Variants in MGAT4C observed in about 807,000 individuals in gnomAD.
The protein encoded by MGAT4C is MGAT4 family member C.
MGAT4C carries 19 observed loss-of-function variants against 40.1 expected under a neutral mutation model. The ratio of observed to expected loss-of-function variants is 0.47; its 90% CI spans 0.33 to 0.70. MGAT4C has a LOEUF of 0.70. Among genes scored for constraint, MGAT4C ranks in the 30% least tolerant of loss-of-function variants. The pLI is 0.02. For synonymous variants in MGAT4C, 181 were observed against 187.1 expected (o/e 0.97, Z 0.27); for missense variants, 491 against 563.2 (o/e 0.87, Z 1.30).
At chr12:86,055,273 T>C (rs1893274465) in intron 1 of MGAT4C, among the ~76,000 whole-genome samples, 1 of 152,206 alleles carries the variant, frequency 6.6e-6, no homozygotes, top group South Asian at 2.1e-4. Flanking sequence ...AATTGAGTGA[T>C]ACTAAAATGC....
rs528618699 is a variant in MGAT4C at position 86,371,276 on chromosome 12, A to G, written c.-119-37149T>C. ...GCTTTAACTCAGTCATTTCTCTCAA[A>G]TTCTGCTCTTCATTTCCTTCCCACT... is the stretch of plus-strand genomic sequence containing the variant. On this transcript the variant is annotated intron_variant, in intron 3 of 7. Transcript: ENST00000548651. Among the ~76,000 whole-genome samples the G allele has an allele frequency of 3.3e-5, 5 of 152,070 alleles. 1 individual carries two copies. The highest frequency in any genetic ancestry group is 1.2e-4 in the African/African-American group (5 of 41,550).
intron 4 of MGAT4C, among the ~76,000 whole-genome samples, chr12:86,303,974 G>C (rs986318343): frequency 2.7e-5 from 4 of 150,112 alleles, no homozygotes; most frequent in Non-Finnish European, 5.9e-5. Flanking sequence ...TACTGGAATA[G>C]AAAGTAGGCA....
intron 2 of MGAT4C, among the ~76,000 whole-genome samples, chr12:86,659,507 G>A (rs1963929734): frequency 6.6e-6 from 1 of 152,078 alleles, no homozygotes; most frequent in Admixed American, 6.6e-5. Flanking sequence ...GAAACTATAA[G>A]TAATTCGAAC....
intron 1 of MGAT4C, among the ~76,000 whole-genome samples, chr12:86,160,063 T>C (rs1158854955): frequency 6.6e-6 from 1 of 152,110 alleles, no homozygotes; most frequent in Non-Finnish European, 1.5e-5. Flanking sequence ...ATTTTAGTTA[T>C]TTATTTTCTT....
intron 1 of MGAT4C, among the ~76,000 whole-genome samples, chr12:86,814,301 C>CGT (rs201077361): frequency 0.13 from 762 of 5,812 alleles, 54 homozygotes; most frequent in East Asian, 0.47. Context: ...TATACATATA[C>CGT]GTATATATAT....
At chr12:86,053,296 A>G (rs1893069879) in intron 1 of MGAT4C, among the ~76,000 whole-genome samples, 1 of 151,504 alleles carries the variant, frequency 6.6e-6, no homozygotes, top group South Asian at 2.1e-4. Flanking sequence ...CAAATTAATA[A>G]TTTTTGGACA....
chr12:86,475,251 T>A (rs1255667605), intron 2 of MGAT4C, among the ~76,000 whole-genome samples: 1 of 151,946 alleles, frequency 6.6e-6, no homozygotes, highest in Non-Finnish European at 1.5e-5. Flanking sequence ...AAATAAAATA[T>A]AGTAAAAAGT....
At chr12:86,355,952 T>A in intron 3 of MGAT4C, among the ~76,000 whole-genome samples, 1 of 152,114 alleles carries the variant, frequency 6.6e-6, no homozygotes, top group Non-Finnish European at 1.5e-5. Flanking sequence ...AGTATGTAGA[T>A]GAAATACATA....
In MGAT4C at chr12:86,396,859, T is replaced by C. The variant is rs536554710; in HGVS notation, c.-120+38298A>G. On this transcript the variant is annotated intron_variant, in intron 3 of 7. Transcript: ENST00000548651. ...CTTTCAGACACTGTATCCAGGGGAT[T>C]TTCCAACAATATCTTTGCCTACCTA... 4.4e-5 allele frequency among the ~76,000 whole-genome samples: 6 copies of C among 135,610 alleles called. No homozygotes were observed. In the Admixed American group the frequency reaches 4.5e-4, roughly 10 times the overall value. The allele number at this position is 135,610 out of a possible 152,430, so 89.0% of individuals were successfully genotyped here.
intron 1 of MGAT4C, among the ~76,000 whole-genome samples, chr12:86,200,139 TTTTTTTTTG>T (rs1480302422): frequency 7.4e-6 from 1 of 134,624 alleles, no homozygotes; most frequent in Non-Finnish European, 1.7e-5. Context: ...TTTTTTTTTT[TTTTTTTTTG>T]ATCTGGCTTT....
intron 2 of MGAT4C, among the ~76,000 whole-genome samples, chr12:86,532,341 A>C (rs1958999828): frequency 6.6e-6 from 1 of 152,056 alleles, no homozygotes; most frequent in Admixed American, 6.6e-5. Context: ...AATGAATTCA[A>C]ATAAATTTAG....
chr12:86,698,685 G>C (rs966450032), intron 2 of MGAT4C, among the ~76,000 whole-genome samples: 2 of 151,936 alleles, frequency 1.3e-5, no homozygotes, highest in Non-Finnish European at 2.9e-5. Context: ...CTGTGGGGGG[G>C]GTGGGTATTC....
At chr12:86,588,815 C>G (rs1028754566) in intron 2 of MGAT4C, among the ~76,000 whole-genome samples, 3 of 151,522 alleles carry the variant, frequency 2.0e-5, no homozygotes, top group African/African-American at 7.3e-5. Flanking sequence ...GGGTACATAA[C>G]GAAATGAAGG....
chr12:86,661,246 G>T (rs1963972834), intron 2 of MGAT4C, among the ~76,000 whole-genome samples: 1 of 151,204 alleles, frequency 6.6e-6, no homozygotes, highest in Admixed American at 6.6e-5. Flanking sequence ...GTATAAAAAA[G>T]ATTAGATTTT....
rs190488824 is a variant in MGAT4C at position 86,046,159 on chromosome 12, A to T, written c.-7+3515T>A. On this transcript the variant is annotated intron_variant, in intron 2 of 4. Transcript: ENST00000611864. ...GAACATAAGATGTTGTGGAAGACTG[A>T]CTGACACAATGTCTTGTATGGTTCA... Among the ~76,000 whole-genome samples, 5 of 152,310 alleles carry T rather than the reference A, an allele frequency of 3.3e-5. No individual in the cohort carries two copies. In the East Asian group the frequency reaches 7.7e-4, roughly 24 times the overall value.
At chr12:86,495,713 G>A (rs61950782) in intron 2 of MGAT4C, among the ~76,000 whole-genome samples, 6,193 of 152,092 alleles carry the variant, frequency 0.041, 187 homozygotes, top group Non-Finnish European at 0.065. Flanking sequence ...GCTTACAGTT[G>A]TTTGAATAAA....
At chr12:86,692,249 A>G (rs1276218540) in intron 2 of MGAT4C, among the ~76,000 whole-genome samples, 1 of 152,184 alleles carries the variant, frequency 6.6e-6, no homozygotes, top group Non-Finnish European at 1.5e-5. Flanking sequence ...TAAATGTGAA[A>G]AATACATTAA....
chr12:86,668,767 A>T (rs1038529708), intron 2 of MGAT4C, among the ~76,000 whole-genome samples: 6 of 152,228 alleles, frequency 3.9e-5, no homozygotes, highest in Non-Finnish European at 8.8e-5. Context: ...GAGCTGCTAC[A>T]GCTGCAGTTT....
chr12:86,318,833 T>C lies in MGAT4C; in HGVS notation c.-57+15232A>G, dbSNP rs796352503. 4.3e-4 allele frequency among the ~76,000 whole-genome samples: 65 copies of C among 152,314 alleles called. 1 individual carries two copies. The highest frequency in any genetic ancestry group is 1.3e-3 in the African/African-American group (55 of 41,574). On this transcript the variant is annotated intron_variant, in intron 4 of 7. Coordinates refer to the MGAT4C transcript ENST00000548651. ...AGGATCATCCCAGGTTTGTTATTAATGGTTTTTAGGCTGCTGTTCTTTATC... is the reference window on the plus strand; with the variant it reads ...AGGATCATCCCAGGTTTGTTATTAACGGTTTTTAGGCTGCTGTTCTTTATC...
Sources: allele counts gnomAD v4.1 joint callset (sites outside exome capture counted in the v4.1 genomes callset), GRCh38; gene constraint gnomAD v4.1.1; transcripts MANE v1.5; gene names NCBI Gene and HGNC (gene_info 2026-07-23, HGNC 2026-07-21).